The following ZNF169 variants were observed in gnomAD, a reference collection of about 807,000 sequenced individuals.
The protein encoded by ZNF169 is zinc finger protein 169.
Under a neutral mutation model 12.0 loss-of-function variants are expected in ZNF169, and 11 were observed. That is an observed-to-expected ratio of 0.92 (90% CI 0.58 to 1.52). The LOEUF (loss-of-function observed/expected upper bound fraction) is 1.52, where lower values mean the gene tolerates loss of function less well. Among genes scored for constraint, ZNF169 ranks in the 40% most tolerant of loss-of-function variants. The pLI is 0.00. For missense variants in ZNF169, 722 were observed against 744.0 expected (o/e 0.97, Z 0.34); for synonymous variants, 302 against 286.5 (o/e 1.05, Z -0.55).
At chr9:94,262,590 C>CT (rs1554712727) in intron 1 of ZNF169, among the ~76,000 whole-genome samples, 11,266 of 152,136 alleles carry the variant, frequency 0.074, 558 homozygotes, top group Middle Eastern at 0.12. Flanking sequence ...TCCTGAGTAG[C>CT]TGGGCTACAG....
At chr9:94,291,047 C>CTTTTTTTTTTTTTTTTTTTTTTTTTT (rs59027045) in intron 2 of ZNF169, among the ~76,000 whole-genome samples, 1 of 59,570 alleles carries the variant, frequency 1.7e-5, no homozygotes, top group Non-Finnish European at 2.9e-5. Context: ...GAACAGTATT[C>CTTTTTTTTTTTTTTTTTTTTTTTTTT]TTTTTTTTTT....
intron 1 of ZNF169, among the ~76,000 whole-genome samples, chr9:94,261,116 A>ACTGCAAACTCCGCCTCC (rs1044463409): frequency 3.3e-5 from 5 of 151,688 alleles, no homozygotes; most frequent in Non-Finnish European, 7.4e-5. Context: ...ATCTCGGCTC[A>ACTGCAAACTCCGCCTCC]CTGCAAACTC....
At chr9:94,276,609 G>A (rs2118585456) in intron 1 of ZNF169, among the ~76,000 whole-genome samples, 1 of 152,088 alleles carries the variant, frequency 6.6e-6, no homozygotes, top group East Asian at 1.9e-4. Flanking sequence ...GGCCAGGGTT[G>A]TCTTGAACTC....
rs1446409326 is a variant in ZNF169 at position 94,273,985 on chromosome 9, A to AT, written c.-55-4767dup. 6.6e-5 allele frequency among the ~76,000 whole-genome samples: 10 copies of AT among 152,130 alleles called. No homozygotes were observed. The East Asian group carries it at 1.9e-3, about 29-fold the overall frequency. ...CAATGGGTGGCTGTAAACAACAGAA[A>AT]TTTTTTCTTCATAATTCTGGAAGAT... On this transcript the variant is annotated intron_variant, in intron 1 of 4. Coordinates refer to ENST00000395395, the MANE Select transcript of ZNF169 (RefSeq NM_194320.4).
At position 94,278,760 on chromosome 9, in the gene ZNF169, T is replaced by G; in HGVS notation, c.-53T>G. ...TCACTTCTCATCTCTTTCCCCAGAT[T>G]TGCCTCTGCAACTTGACTCTCCTCT... On this transcript the variant is annotated splice_region_variant and 5_prime_UTR_variant, in exon 2 of 5. The change creates a new upstream start codon in the 5' untranslated region. Coordinates refer to ENST00000395395, the MANE Select transcript of ZNF169 (RefSeq NM_194320.4). 1 of 1,583,464 alleles carries G rather than the reference T, an allele frequency of 6.3e-7. No individual in the cohort carries two copies. The highest frequency in any genetic ancestry group is 1.7e-5 in the Admixed American group (1 of 59,384).
In ZNF169 at chr9:94,278,865, C is replaced by T. The variant is rs1587677549; in HGVS notation, c.33+20C>T. ...AAGGAGGTAAGTCCTGAAATTTCTT[C>T]CTAGCTATTGCAGGAAGGTTTCATA... On this transcript the variant is annotated intron_variant, in intron 2 of 4. Coordinates refer to ENST00000395395, the MANE Select transcript of ZNF169 (RefSeq NM_194320.4). 6.2e-7 allele frequency: 1 copy of T among 1,613,440 alleles called. No homozygotes were observed. The highest frequency in any genetic ancestry group is 2.2e-5 in the East Asian group (1 of 44,880).
chr9:94,294,632 T>C (rs1830916031), intron 4 of ZNF169: 3 of 152,154 alleles, frequency 2.0e-5, no homozygotes, highest in Non-Finnish European at 4.4e-5. Flanking sequence ...TCATGTTTTA[T>C]CCATCTATTC....
At chr9:94,293,866 A>G (rs1385451232) in intron 4 of ZNF169, 1 of 152,224 alleles carries the variant, frequency 6.6e-6, no homozygotes, top group African/African-American at 2.4e-5. Flanking sequence ...GCAGCCCTGT[A>G]CCCTAAGAGA....
intron 1 of ZNF169, among the ~76,000 whole-genome samples, chr9:94,270,850 TAAA>T (rs1391059569): frequency 3.5e-5 from 1 of 28,308 alleles, no homozygotes; most frequent in East Asian, 1.6e-3. Context: ...TTATATTATA[TAAA>T]TATATATAAT....
At chr9:94,287,889 A>G in intron 2 of ZNF169, 1 of 976,952 alleles carries the variant, frequency 1.0e-6, no homozygotes, top group Admixed American at 1.7e-5. Flanking sequence ...CTTGGCTGCT[A>G]TTCCGAAGCT....
Position 94,298,940 on chromosome 9 carries a change from G to A in ZNF169, c.257-875G>A, listed in dbSNP as rs540222688. 2.7e-4 allele frequency among the ~76,000 whole-genome samples: 41 copies of A among 152,236 alleles called. 2 individuals are homozygous for A. The South Asian group carries it at 7.7e-3, about 29-fold the overall frequency. ...ATAGTTTTAACAGTTTTTGTGCATG[G>A]ATAAGAATATGCTTAAGCCGAAATA... On this transcript the variant is annotated intron_variant, in intron 4 of 4. Coordinates refer to ENST00000395395, the MANE Select transcript of ZNF169 (RefSeq NM_194320.4).
At chr9:94,281,074 G>A (rs1830622235) in intron 2 of ZNF169, among the ~76,000 whole-genome samples, 1 of 152,150 alleles carries the variant, frequency 6.6e-6, no homozygotes, top group Non-Finnish European at 1.5e-5. Context: ...TCTAACATCT[G>A]TGAAAAATTG....
chr9:94,300,563 A>G lies in ZNF169; in HGVS notation c.1005A>G (p.Leu335=), dbSNP rs752443753. Reference sequence around the variant, plus strand: ...TTCGCCAGAAGATAGCCCTCCTTCTACACCAGAGGACGCACTTGGAGGAGA... The same window carrying G: ...TTCGCCAGAAGATAGCCCTCCTTCTGCACCAGAGGACGCACTTGGAGGAGA... ...RGFRQKIALL[L]HQRTHLEEKP... is the part of the protein sequence containing the mutation. Residue 335 remains leucine, a synonymous_variant, in exon 5 of 5, where the codon CTA becomes CTG. Transcript: ENST00000395395. 9 of 1,613,796 alleles carry G rather than the reference A, an allele frequency of 5.6e-6. No homozygotes were observed. In the African/African-American group the frequency reaches 8.0e-5, roughly 14 times the overall value.
Position 94,301,314 on chromosome 9 carries a change from C to T in ZNF169, c.1756C>T (p.His586Tyr). The T allele has an allele frequency of 1.2e-6, 2 of 1,614,234 alleles. No homozygotes were observed. The stretch of plus-strand genomic sequence containing the variant: ...TGGCTTTAGCCAGAAGTCTCACTTG[C>T]ATAGACACAGGAGGACCAAGTCTGG... ...GRGFSQKSHL[H>Y]RHRRTKSGHQ... The change falls in exon 5 of 5, where the codon CAT (histidine) becomes TAT (tyrosine). Residue 586 changes from histidine (H) to tyrosine (Y), a missense_variant. By Grantham distance (83) the His-to-Tyr change is moderately conservative (BLOSUM62 2). Transcript: ENST00000395395.
At position 94,292,632 on chromosome 9, in the gene ZNF169, T is replaced by TGC; in HGVS notation, c.160+166_160+167insCG. 5 of 842,036 alleles carry TGC rather than the reference T, an allele frequency of 5.9e-6. No individual in the cohort carries two copies. The South Asian group carries it at 7.2e-5, about 12-fold the overall frequency. The allele number at this position is 842,036 out of a possible 1,614,324, so 52.2% of individuals were successfully genotyped here. ...TTGTGTGTGTGTGTGTGTGTGTGTGTGTGTGTGTGCGCGTGCACATGCTGT... is the reference window on the plus strand; with the variant it reads ...TTGTGTGTGTGTGTGTGTGTGTGTGTGCGTGTGTGTGCGCGTGCACATGCTGT... On this transcript the variant is annotated intron_variant, in intron 3 of 4. Transcript: ENST00000395395.
chr9:94,301,191 G>A lies in ZNF169; in HGVS notation c.1633G>A (p.Asp545Asn), dbSNP rs745504279. Residue 545 changes from aspartate to asparagine, a missense_variant, in exon 5 of 5, where the codon GAT becomes AAT. Transcript: ENST00000395395. ...THSGEKPCIC[D>N]ECGRGFGFKS... ...CTCAGGAGAGAAGCCCTGCATTTGC[G>A]ATGAATGTGGGCGCGGCTTTGGCTT... is the stretch of plus-strand genomic sequence containing the variant. 76 of 1,613,702 alleles carry A rather than the reference G, an allele frequency of 4.7e-5. No homozygotes were observed. The Admixed American group carries it at 6.0e-4, about 13-fold the overall frequency.
At chr9:94,276,593 C>A (rs1054568913) in intron 1 of ZNF169, among the ~76,000 whole-genome samples, 2 of 151,982 alleles carry the variant, frequency 1.3e-5, no homozygotes, top group African/African-American at 4.8e-5. Context: ...AGGGTTTCAC[C>A]ATCTTGGCCA....
intron 2 of ZNF169, among the ~76,000 whole-genome samples, 166 bp from the exon 3 acceptor site, chr9:94,292,175 A>T (rs1587686418): frequency 6.6e-6 from 1 of 152,222 alleles, no homozygotes; most frequent in East Asian, 1.9e-4. Flanking sequence ...GAGGGGATTA[A>T]TAGTCTTGAA....
chr9:94,301,439 A>G lies in ZNF169; in HGVS notation c.*69A>G, dbSNP rs1286906685. On this transcript the variant is annotated 3_prime_UTR_variant, in exon 5 of 5. Transcript: ENST00000395395. ...TAAATGCTTCAGTTTCCTGAAATGG[A>G]ATGGAAAAAAAAAAATGTTGCTTTC... 15 of 1,458,896 alleles carry G rather than the reference A, an allele frequency of 1.0e-5. No individual in the cohort carries two copies. The highest frequency in any genetic ancestry group is 1.4e-5 in the Non-Finnish European group (15 of 1,103,928). 90.4% of individuals were successfully genotyped at this position (1,458,896 alleles called of 1,614,324 possible).
Sources: gnomAD v4.1 joint callset for allele counts (sites outside exome capture counted in the v4.1 genomes callset) on GRCh38, gnomAD v4.1.1 for gene constraint, MANE v1.5 for transcripts, NCBI Gene and HGNC (gene_info 2026-07-23, HGNC 2026-07-21) for gene names.